RIC1: variants seen among roughly 807,000 people sequenced by gnomAD.
RIC1 encodes the protein RIC1 partner of RAB6A GEF complex.
In RIC1, 88 loss-of-function variants were observed where a neutral mutation model predicts 169.0. The observed-to-expected ratio is 0.52, with a 90% confidence interval of 0.44 to 0.62. RIC1 has a LOEUF of 0.62. Ranked by LOEUF, RIC1 falls within the 20% of genes least tolerant of loss-of-function variation. The pLI is 0.00. For synonymous variants in RIC1, 790 were observed against 601.5 expected (o/e 1.31, Z -4.59); for missense variants, 1,877 against 1,725.5 (o/e 1.09, Z -1.56).
intron 2 of RIC1, among the ~76,000 whole-genome samples, chr9:5,669,524 C>G (rs1224868132): frequency 6.6e-6 from 1 of 152,132 alleles, no homozygotes; most frequent in Non-Finnish European, 1.5e-5. Flanking sequence ...TTTTCTTTAT[C>G]CACTTGTTGA....
At chr9:5,659,173 G>T (rs560738014) in intron 2 of RIC1, among the ~76,000 whole-genome samples, 26 of 151,988 alleles carry the variant, frequency 1.7e-4, no homozygotes, top group Admixed American at 1.6e-3. Flanking sequence ...CCCATTGAAC[G>T]GTCTTGGTAG....
intron 8 of RIC1, among the ~76,000 whole-genome samples, chr9:5,742,163 A>G (rs1284275268): frequency 9.9e-5 from 15 of 152,070 alleles, no homozygotes; most frequent in Admixed American, 9.8e-4. Flanking sequence ...ATTCTCTCTT[A>G]TACCATGGAT....
chr9:5,754,309 C>T (rs1392438586), intron 14 of RIC1, among the ~76,000 whole-genome samples: 1 of 152,066 alleles, frequency 6.6e-6, no homozygotes, highest in South Asian at 2.1e-4. Flanking sequence ...ATATAGCACC[C>T]AGTTATTTTT....
chr9:5,678,615 T>C (rs1483540953), intron 2 of RIC1, among the ~76,000 whole-genome samples: 1 of 152,210 alleles, frequency 6.6e-6, no homozygotes, highest in Non-Finnish European at 1.5e-5. Flanking sequence ...TGAGCATTTT[T>C]TCATGTGTTT....
At chr9:5,764,717 G>T (rs890586101) in intron 19 of RIC1, among the ~76,000 whole-genome samples, 4 of 152,154 alleles carry the variant, frequency 2.6e-5, no homozygotes, top group Admixed American at 1.3e-4. Context: ...AAGACATAGG[G>T]TTTTAAAAAT....
intron 22 of RIC1, chr9:5,769,489 A>G: frequency 7.0e-6 from 10 of 1,420,610 alleles, no homozygotes; most frequent in Non-Finnish European, 9.2e-6. Context: ...CAAAAATCTA[A>G]TCATACTTGG....
intron 4 of RIC1, chr9:5,719,349 C>T (rs1403432200): frequency 1.3e-5 from 2 of 152,214 alleles, no homozygotes; most frequent in East Asian, 1.9e-4. Flanking sequence ...GCTATTTCCC[C>T]ATTAAAGAAG....
chr9:5,729,732 C>T (rs913420558), intron 6 of RIC1, among the ~76,000 whole-genome samples: 1 of 152,064 alleles, frequency 6.6e-6, no homozygotes, highest in Non-Finnish European at 1.5e-5. Context: ...TTCCTATCTA[C>T]TATCTTCCGT....
chr9:5,760,619 C>G (rs1254627151), intron 17 of RIC1, among the ~76,000 whole-genome samples: 1 of 152,172 alleles, frequency 6.6e-6, no homozygotes, highest in African/African-American at 2.4e-5. Flanking sequence ...CATCTAGCTA[C>G]ATTTTACTGT....
intron 6 of RIC1, among the ~76,000 whole-genome samples, chr9:5,723,873 G>C (rs1184735001): frequency 1.3e-5 from 2 of 152,172 alleles, no homozygotes; most frequent in African/African-American, 4.8e-5. Flanking sequence ...GGTTGTAGAT[G>C]TGTGGTATTA....
At position 5,754,527 on chromosome 9, in the gene RIC1, A is replaced by G. The variant is rs200160610; in HGVS notation, c.1603-314A>G. Among the ~76,000 whole-genome samples the G allele has an allele frequency of 1.1e-4, 16 of 152,240 alleles. 1 individual carries two copies. In the East Asian group the frequency reaches 2.9e-3, roughly 28 times the overall value. ...GCGGATCACTTGAGGCTGGGAGTCCAAGACCAGCCTGGCCAACATGACGAA... is the reference window on the plus strand; with the variant it reads ...GCGGATCACTTGAGGCTGGGAGTCCGAGACCAGCCTGGCCAACATGACGAA... On this transcript the variant is annotated intron_variant, in intron 14 of 25. Coordinates refer to ENST00000414202, the MANE Select transcript of RIC1 (RefSeq NM_020829.4).
Position 5,659,728 on chromosome 9 carries a change from C to T in RIC1, c.252+3038C>T, listed in dbSNP as rs572736873. Among the ~76,000 whole-genome samples the T allele has an allele frequency of 1.6e-4, 24 of 152,192 alleles. 1 individual carries two copies. In the South Asian group the frequency reaches 3.9e-3, roughly 25 times the overall value. On this transcript the variant is annotated intron_variant, in intron 2 of 25. Coordinates refer to ENST00000414202, the MANE Select transcript of RIC1 (RefSeq NM_020829.4). ...GTTCAGTATGCAAGTCTTTTTCCTG[C>T]TTCATTAAATTTATTTTTAAGTTTT... is the stretch of plus-strand genomic sequence containing the variant.
At chr9:5,646,053 C>T (rs912828180) in intron 1 of RIC1, among the ~76,000 whole-genome samples, 1 of 150,836 alleles carries the variant, frequency 6.6e-6, no homozygotes, top group African/African-American at 2.4e-5. Context: ...ACCAGCAATA[C>T]AGTGGTTCCA....
At position 5,686,306 on chromosome 9, in the gene RIC1, C is replaced by T. The variant is rs202212171; in HGVS notation, c.253-3653C>T. 9.9e-4 allele frequency among the ~76,000 whole-genome samples: 151 copies of T among 151,922 alleles called. 1 individual carries two copies. Among genetic ancestry groups the T allele is most frequent in the Middle Eastern group, 3.4e-3 (1 of 294 alleles). On this transcript the variant is annotated intron_variant, in intron 2 of 25. Transcript: ENST00000414202. ...ATACCCAAATGACTATAAATCATGC[C>T]GCTATAAAGACACATGCACACGTAT...
chr9:5,678,563 C>T (rs1180256372), intron 2 of RIC1, among the ~76,000 whole-genome samples: 1 of 152,042 alleles, frequency 6.6e-6, no homozygotes, highest in Non-Finnish European at 1.5e-5. Context: ...GATGATATCT[C>T]ATAGTGGCTT....
At position 5,776,556 on chromosome 9, in the gene RIC1, A is replaced by G. The variant is rs1457993210; in HGVS notation, c.*2310A>G. 1 of 152,086 alleles carries G rather than the reference A, an allele frequency of 6.6e-6. No individual in the cohort carries two copies. The highest frequency in any genetic ancestry group is 2.4e-5 in the African/African-American group (1 of 41,422). 9.4% of individuals were successfully genotyped at this position (152,086 alleles called of 1,614,324 possible). A position where few individuals can be genotyped will look rare whatever the true frequency, so the allele number is the denominator to read the frequency against. On this transcript the variant is annotated 3_prime_UTR_variant, in exon 26 of 26. Coordinates refer to ENST00000414202, the MANE Select transcript of RIC1 (RefSeq NM_020829.4). ...TAAAGGGCAATAAAACCATTACACA[A>G]ACTTTGGTTTATTCATCATCTCAGG...
At chr9:5,748,718 G>C (rs570033694) in intron 12 of RIC1, 1 of 152,668 alleles carries the variant, frequency 6.6e-6, no homozygotes, top group South Asian at 2.1e-4. Context: ...AAAGAAGGTA[G>C]GTCTGGAACT....
At chr9:5,777,486 CACGGACTCT>C (rs1438715092), downstream of RIC1, among the ~76,000 whole-genome samples, 2 of 151,768 alleles carry the variant, frequency 1.3e-5, no homozygotes, top group Non-Finnish European at 2.9e-5. Flanking sequence ...ATTACAATCA[CACGGACTCT>C]GAATCATTTC....
intron 17 of RIC1, among the ~76,000 whole-genome samples, chr9:5,761,772 C>A (rs542744256): frequency 6.6e-6 from 1 of 152,252 alleles, no homozygotes; most frequent in Non-Finnish European, 1.5e-5. Context: ...TAAAACAGGG[C>A]TGCTCAAAGT....
Sources: gnomAD v4.1 joint callset for allele counts (sites outside exome capture counted in the v4.1 genomes callset) on GRCh38, gnomAD v4.1.1 for gene constraint, MANE v1.5 for transcripts, NCBI Gene and HGNC (gene_info 2026-07-23, HGNC 2026-07-21) for gene names.